RBFOX1: variants seen among roughly 807,000 people sequenced by gnomAD.
The protein encoded by RBFOX1 is RNA binding fox-1 homolog 1.
A neutral mutation model predicts 57.7 loss-of-function variants in RBFOX1; 8 were observed. The ratio of observed to expected loss-of-function variants is 0.14; its 90% CI spans 0.08 to 0.25. The LOEUF is 0.25. RBFOX1 is among the 10% of genes least tolerant of loss of function. The pLI is 1.00. For missense variants in RBFOX1, 611 were observed against 548.5 expected, an observed-to-expected ratio of 1.11 and a Z score of -1.14; for synonymous variants, 326 against 222.4, an observed-to-expected ratio of 1.47 and a Z score of -4.15.
chr16:6,634,007 C>A (rs941574782), intron 2 of RBFOX1, among the ~76,000 whole-genome samples: 2 of 152,046 alleles, frequency 1.3e-5, no homozygotes, highest in Non-Finnish European at 2.9e-5. Flanking sequence ...ATGAGTAAGA[C>A]CCCATCTCAA....
chr16:6,595,284 G>A (rs11643916), intron 2 of RBFOX1, among the ~76,000 whole-genome samples: 10,326 of 152,146 alleles, frequency 0.068, 813 homozygotes, highest in African/African-American at 0.19. Context: ...CCTATTCTGG[G>A]TATGTCATGT....
At chr16:6,802,383 A>C (rs577641894) in intron 3 of RBFOX1, among the ~76,000 whole-genome samples, 5 of 152,238 alleles carry the variant, frequency 3.3e-5, no homozygotes, top group Non-Finnish European at 7.4e-5. Context: ...AATGTTAGAA[A>C]GTCCATGTTA....
intron 3 of RBFOX1, among the ~76,000 whole-genome samples, chr16:5,642,571 C>T (rs942524294): frequency 1.3e-5 from 2 of 152,132 alleles, no homozygotes; most frequent in Admixed American, 1.3e-4. Flanking sequence ...CCATCAGGTG[C>T]GGTGATTGGA....
chr16:7,541,729 A>G (rs762066814), intron 5 of RBFOX1, among the ~76,000 whole-genome samples: 2 of 152,228 alleles, frequency 1.3e-5, no homozygotes, highest in African/African-American at 4.8e-5. Flanking sequence ...GCAAGCAGCC[A>G]TGCTTTCCTA....
chr16:7,638,368 C>T (rs999206176), intron 11 of RBFOX1, among the ~76,000 whole-genome samples: 10 of 152,082 alleles, frequency 6.6e-5, no homozygotes, highest in South Asian at 4.2e-4. Context: ...GCTAGATCAG[C>T]TTTGAACCAA....
chr16:5,503,724 A>G (rs2043281160), intron 2 of RBFOX1, among the ~76,000 whole-genome samples: 1 of 152,166 alleles, frequency 6.6e-6, no homozygotes, highest in Non-Finnish European at 1.5e-5. Context: ...TATTACAAGC[A>G]TGAGCCACCA....
intron 2 of RBFOX1, among the ~76,000 whole-genome samples, chr16:6,618,059 C>G (rs1025764224): frequency 2.0e-5 from 3 of 152,148 alleles, no homozygotes; most frequent in African/African-American, 7.2e-5. Context: ...ATGCAGCAAT[C>G]CTTGTGTTTG....
chr16:7,198,390 C>G lies in RBFOX1; in HGVS notation c.27+146292C>G, dbSNP rs150210349. Among the ~76,000 whole-genome samples the G allele has an allele frequency of 3.3e-5, 5 of 152,298 alleles. No individual in the cohort carries two copies. The East Asian group carries it at 5.8e-4, about 18-fold the overall frequency. On this transcript the variant is annotated intron_variant, in intron 4 of 15. Transcript: ENST00000550418. ...GTAGTTGTGCAACATTGTGAATGTA[C>G]TAAATGCTACTCATTTGTACACTTA...
intron 1 of RBFOX1, among the ~76,000 whole-genome samples, chr16:6,190,999 G>C (rs1370575573): frequency 6.6e-6 from 1 of 151,952 alleles, no homozygotes; most frequent in Non-Finnish European, 1.5e-5. Flanking sequence ...AGCCTCTCCC[G>C]ATTCTGTCTG....
intron 4 of RBFOX1, among the ~76,000 whole-genome samples, chr16:7,359,394 G>GTT (rs757072918): frequency 1.4e-5 from 2 of 142,504 alleles, no homozygotes; most frequent in African/African-American, 2.9e-5. Flanking sequence ...GTGCCTCTGT[G>GTT]TGTTTGTGTG....
At chr16:7,696,631 G>A (rs1378805583) in intron 14 of RBFOX1, among the ~76,000 whole-genome samples, 1 of 152,080 alleles carries the variant, frequency 6.6e-6, no homozygotes, top group East Asian at 1.9e-4. Context: ...TGAGTCAGGA[G>A]AAGGTCTCAT....
intron 2 of RBFOX1, among the ~76,000 whole-genome samples, chr16:5,548,190 T>TAG (rs1312502122): frequency 7.6e-6 from 1 of 132,046 alleles, no homozygotes; most frequent in Non-Finnish European, 1.6e-5. Context: ...TATATATATA[T>TAG]ATATATATAT....
intron 1 of RBFOX1, among the ~76,000 whole-genome samples, chr16:5,255,354 C>CTCCATCCCTCCATCCA (rs2062563059): frequency 1.0e-4 from 9 of 86,332 alleles, no homozygotes; most frequent in African/African-American, 3.2e-4. Context: ...CCATCCATCC[C>CTCCATCCCTCCATCCA]TCCATCCATC....
At chr16:6,462,604 T>G (rs1276041253) in intron 2 of RBFOX1, among the ~76,000 whole-genome samples, 2 of 152,306 alleles carry the variant, frequency 1.3e-5, no homozygotes, top group South Asian at 4.1e-4. Flanking sequence ...TCTTTCATTT[T>G]GGTACTTTCT....
chr16:6,946,781 A>T (rs1024121336), intron 3 of RBFOX1, among the ~76,000 whole-genome samples: 1 of 151,994 alleles, frequency 6.6e-6, no homozygotes, highest in Non-Finnish European at 1.5e-5. Flanking sequence ...TATTTTTAAA[A>T]TTTTTTGCAG....
intron 3 of RBFOX1, among the ~76,000 whole-genome samples, chr16:6,952,445 G>A (rs1035791531): frequency 2.0e-5 from 3 of 152,080 alleles, no homozygotes; most frequent in Admixed American, 6.6e-5. Context: ...CCAGGAGTTT[G>A]AGACCAGCCT....
At chr16:5,670,493 T>C (rs534853374) in intron 3 of RBFOX1, among the ~76,000 whole-genome samples, 1 of 152,190 alleles carries the variant, frequency 6.6e-6, no homozygotes, top group African/African-American at 2.4e-5. Flanking sequence ...ATGGAAGATA[T>C]GGGAACATAT....
chr16:5,506,608 C>G (rs12932771), intron 2 of RBFOX1, among the ~76,000 whole-genome samples: 15 of 152,216 alleles, frequency 9.9e-5, no homozygotes, highest in Admixed American at 3.9e-4. Flanking sequence ...ATAAATTAAA[C>G]CTATTAATCA....
At chr16:7,100,565 G>GTTTTTTTTTTTTTT (rs201889492) in intron 4 of RBFOX1, among the ~76,000 whole-genome samples, 1 of 118,786 alleles carries the variant, frequency 8.4e-6, no homozygotes, top group African/African-American at 3.2e-5. Flanking sequence ...TTTAAAGGTT[G>GTTTTTTTTTTTTTT]TTTTTTTTTT....
Sources: gnomAD v4.1 joint callset for allele counts (sites outside exome capture counted in the v4.1 genomes callset) on GRCh38, gnomAD v4.1.1 for gene constraint, MANE v1.5 for transcripts, NCBI Gene and HGNC (gene_info 2026-07-23, HGNC 2026-07-21) for gene names.